GALNT18: variants seen among roughly 807,000 people sequenced by gnomAD.
GALNT18 encodes polypeptide N-acetylgalactosaminyltransferase 18, also known as GalNAc-transferase 18.
Under a neutral mutation model 69.5 loss-of-function variants are expected in GALNT18, and 44 were observed. That is an observed-to-expected ratio of 0.63 (90% CI 0.50 to 0.81). The LOEUF is 0.81. Among genes scored for constraint, GALNT18 ranks in the 40% least tolerant of loss-of-function variants. The pLI is 0.00. For synonymous variants in GALNT18, 364 were observed against 318.2 expected (o/e 1.14, Z -1.53); for missense variants, 715 against 810.0 (o/e 0.88, Z 1.42).
intron 1 of GALNT18, among the ~76,000 whole-genome samples, chr11:11,512,330 C>T (rs1857181997): frequency 1.3e-5 from 2 of 152,242 alleles, no homozygotes; most frequent in South Asian, 4.1e-4. Context: ...AGCTGTCAGA[C>T]TCCGCCTGAC....
chr11:11,449,627 G>A (rs147839850), intron 1 of GALNT18, among the ~76,000 whole-genome samples: 2 of 152,374 alleles, frequency 1.3e-5, no homozygotes, highest in African/African-American at 4.8e-5. Context: ...CTCAAGGCCA[G>A]CACATGGTTT....
intron 1 of GALNT18, among the ~76,000 whole-genome samples, chr11:11,489,724 C>T (rs1017466203): frequency 5.3e-5 from 8 of 152,114 alleles, no homozygotes; most frequent in Admixed American, 3.9e-4. Flanking sequence ...TAGGTGTTTA[C>T]CAAGTGCAAG....
intron 1 of GALNT18, among the ~76,000 whole-genome samples, chr11:11,575,230 G>A (rs1858893557): frequency 1.3e-5 from 2 of 152,154 alleles, no homozygotes; most frequent in Admixed American, 6.5e-5. Context: ...GCTGGGAGGA[G>A]GACCAAGGCA....
chr11:11,354,004 G>A (rs537197071), intron 6 of GALNT18, among the ~76,000 whole-genome samples: 2 of 152,270 alleles, frequency 1.3e-5, no homozygotes, highest in South Asian at 2.1e-4. Flanking sequence ...TACAAATGAG[G>A]CTGAGATGCT....
At chr11:11,473,553 GGTGCAGA>G (rs1856320539) in intron 1 of GALNT18, among the ~76,000 whole-genome samples, 1 of 151,986 alleles carries the variant, frequency 6.6e-6, no homozygotes, top group African/African-American at 2.4e-5. Flanking sequence ...GTGTGCAGAC[GGTGCAGA>G]GTGAAATATG....
At chr11:11,539,352 C>G (rs1244097046) in intron 1 of GALNT18, among the ~76,000 whole-genome samples, 2 of 152,214 alleles carry the variant, frequency 1.3e-5, no homozygotes, top group Non-Finnish European at 2.9e-5. Context: ...TCTCCTTCTG[C>G]AACTTTCTAT....
chr11:11,572,603 G>A lies in GALNT18; in HGVS notation c.235+48756C>T, dbSNP rs754853012. Among the ~76,000 whole-genome samples the A allele has an allele frequency of 1.8e-4, 27 of 152,160 alleles. 1 individual carries two copies. The highest frequency in any genetic ancestry group is 2.6e-4 in the Admixed American group (4 of 15,268). ...AAGCTGTCTTAGATTCAGCTTTCCT[G>A]CTATGTCCCTCTCTGACAGCATTGG... is the stretch of plus-strand genomic sequence containing the variant. On this transcript the variant is annotated intron_variant, in intron 1 of 10. Transcript: ENST00000227756.
intron 1 of GALNT18, among the ~76,000 whole-genome samples, chr11:11,597,951 C>T (rs367765321): frequency 5.1e-4 from 78 of 152,206 alleles, no homozygotes; most frequent in African/African-American, 1.8e-3. Context: ...TGAGCCACCG[C>T]GCCTGACCAA....
chr11:11,515,507 C>T (rs1034831561), intron 1 of GALNT18, among the ~76,000 whole-genome samples: 1 of 152,322 alleles, frequency 6.6e-6, no homozygotes, highest in Middle Eastern at 3.4e-3. Context: ...AAACTACATA[C>T]CCCCTGCCCT....
chr11:11,559,645 C>CGATGGGATGCGATGG, intron 1 of GALNT18, among the ~76,000 whole-genome samples: 1 of 149,462 alleles, frequency 6.7e-6, no homozygotes, highest in Non-Finnish European at 1.5e-5. Context: ...GGATGGGATG[C>CGATGGGATGCGATGG]GATGGGATGG....
intron 1 of GALNT18, among the ~76,000 whole-genome samples, chr11:11,483,274 G>C (rs1004191662): frequency 2.6e-5 from 4 of 152,162 alleles, no homozygotes; most frequent in South Asian, 4.1e-4. Flanking sequence ...CTTCTGGGCA[G>C]CTTCCCCTGA....
intron 7 of GALNT18, among the ~76,000 whole-genome samples, chr11:11,335,429 T>C (rs1444112221): frequency 1.3e-5 from 2 of 152,204 alleles, no homozygotes; most frequent in African/African-American, 4.8e-5. Context: ...GCAGGAGGCA[T>C]ATATTGAGAA....
In GALNT18 at chr11:11,584,209, A is replaced by G. The variant is rs1321127799; in HGVS notation, c.235+37150T>C. ...GCCAGCGGCAATAAAATTAGAGCAA[A>G]GTGTCCTTCCAGCAGCTGGGGACAG... On this transcript the variant is annotated intron_variant, in intron 1 of 10. Transcript: ENST00000227756. The surrounding 1 kb of genome is among the most constrained non-coding windows in gnomAD (Gnocchi z 4.1). Among the ~76,000 whole-genome samples the G allele has an allele frequency of 6.6e-6, 1 of 152,174 alleles. No individual in the cohort carries two copies. The highest frequency in any genetic ancestry group is 1.9e-4 in the East Asian group (1 of 5,182).
Position 11,590,929 on chromosome 11 carries a change from G to A in GALNT18, c.235+30430C>T, listed in dbSNP as rs1340554981. Among the ~76,000 whole-genome samples, 1 of 152,110 alleles carries A rather than the reference G, an allele frequency of 6.6e-6. No individual in the cohort carries two copies. Among genetic ancestry groups the A allele is most frequent in the Non-Finnish European group, 1.5e-5 (1 of 68,022 alleles). On this transcript the variant is annotated intron_variant, in intron 1 of 10. Coordinates refer to ENST00000227756, the MANE Select transcript of GALNT18 (RefSeq NM_198516.3). This position sits in a 1 kb window ranked among gnomAD's most constrained non-coding sequence, Gnocchi z 4.4. The stretch of plus-strand genomic sequence containing the variant: ...ATCAACAACTATGTTACTGGTTTAT[G>A]TATTTACTATATTATATTTTTACTA...
intron 1 of GALNT18, among the ~76,000 whole-genome samples, chr11:11,537,594 G>A (rs1203018931): frequency 2.6e-5 from 4 of 152,162 alleles, no homozygotes; most frequent in African/African-American, 4.8e-5. Context: ...CCCAGCCATG[G>A]AGAAAGTCAT....
chr11:11,275,770 C>T (rs907036064), intron 10 of GALNT18, among the ~76,000 whole-genome samples: 1 of 152,188 alleles, frequency 6.6e-6, no homozygotes, highest in East Asian at 1.9e-4. Context: ...GTTTCCCCAA[C>T]ACCATTTATT....
rs576555035 is a variant in GALNT18, at chr11:11,591,935, C to T, written c.235+29424G>A. 2.4e-4 allele frequency among the ~76,000 whole-genome samples: 37 copies of T among 152,296 alleles called. No homozygotes were observed. The highest frequency in any genetic ancestry group is 3.4e-3 in the Middle Eastern group (1 of 294). ...CACATAGAGTCAATTCCTATCCCAA[C>T]ACATGCTGACTGAGTGACCTCAGAT... On this transcript the variant is annotated intron_variant, in intron 1 of 10. Coordinates refer to ENST00000227756, the MANE Select transcript of GALNT18 (RefSeq NM_198516.3). The surrounding 1 kb of genome is among the most constrained non-coding windows in gnomAD (Gnocchi z 4.8).
rs1014079073 is a variant in GALNT18, at chr11:11,444,208, G to A, written c.428+4536C>T. Reference sequence around the variant, plus strand: ...GGTGCCTTGCAGATGCCACCCTCCAGGCCCCGCCTCCCTGCCACAGAGAGG... The same window carrying A: ...GGTGCCTTGCAGATGCCACCCTCCAAGCCCCGCCTCCCTGCCACAGAGAGG... On this transcript the variant is annotated intron_variant, in intron 2 of 10. Transcript: ENST00000227756. This position sits in a 1 kb window ranked among gnomAD's most constrained non-coding sequence, Gnocchi z 4.4. Among the ~76,000 whole-genome samples the A allele has an allele frequency of 2.0e-5, 3 of 151,496 alleles. No homozygotes were observed. The highest frequency in any genetic ancestry group is 2.4e-5 in the African/African-American group (1 of 41,236).
Position 11,387,941 on chromosome 11 carries a change from G to A in GALNT18, c.596-8677C>T, listed in dbSNP as rs138239901. On this transcript the variant is annotated intron_variant, in intron 3 of 10. Coordinates refer to ENST00000227756, the MANE Select transcript of GALNT18 (RefSeq NM_198516.3). The surrounding 1 kb of genome is among the most constrained non-coding windows in gnomAD (Gnocchi z 4.6). ...TGGGCAGTTTACAAATGCCTTCCCC[G>A]AGGTTCATTCTTATGTCTGCTACAC... is the stretch of plus-strand genomic sequence containing the variant. Among the ~76,000 whole-genome samples the A allele has an allele frequency of 2.9e-4, 44 of 152,298 alleles. No homozygotes were observed. In the East Asian group the frequency reaches 7.5e-3, roughly 26 times the overall value.
Sources: gnomAD v4.1 joint callset for allele counts (sites outside exome capture counted in the v4.1 genomes callset) on GRCh38, gnomAD v4.1.1 for gene constraint, Gnocchi (gnomAD v3.1) non-coding constraint, MANE v1.5 for transcripts, NCBI Gene and HGNC (gene_info 2026-07-23, HGNC 2026-07-21) for gene names.